GRWD1: variants seen among roughly 807,000 people sequenced by gnomAD.
GRWD1 encodes the protein glutamate rich WD repeat containing 1.
GRWD1 carries 29 observed loss-of-function variants against 45.3 expected under a neutral mutation model. The observed-to-expected ratio is 0.64, with a 90% CI of 0.48 to 0.87. The LOEUF is 0.87. Ranked by LOEUF, GRWD1 falls within the 40% of genes least tolerant of loss-of-function variation. The pLI is 0.00. For synonymous variants in GRWD1, 262 were observed against 257.6 expected (o/e 1.02, Z -0.16); for missense variants, 592 against 618.8 (o/e 0.96, Z 0.46).
At chr19:48,448,484 G>A (rs1418304580) in intron 3 of GRWD1, among the ~76,000 whole-genome samples, 2 of 152,172 alleles carry the variant, frequency 1.3e-5, no homozygotes, top group Non-Finnish European at 2.9e-5. Context: ...GGAAGGGAAC[G>A]AGATGAAACT....
At position 48,452,093 on chromosome 19, in the gene GRWD1, T is replaced by C. The variant is rs1383383596; in HGVS notation, c.1024-615T>C. 5.4e-4 allele frequency among the ~76,000 whole-genome samples: 81 copies of C among 151,074 alleles called. No homozygotes were observed. In the South Asian group the frequency reaches 0.017, roughly 31 times the overall value. On this transcript the variant is annotated intron_variant, in intron 6 of 6. Transcript: ENST00000253237. The surrounding 1 kb of genome is among the most constrained non-coding windows in gnomAD (Gnocchi z 5.1). The stretch of plus-strand genomic sequence containing the variant: ...GAGCCATGCCCTCCTTTTTTTCTTT[T>C]TTTTTTTTTTTTTCTTTTTTTTTGC...
At position 48,450,389 on chromosome 19, in the gene GRWD1, G is replaced by A. The variant is rs752502004; in HGVS notation, c.545G>A (p.Arg182Gln). Residue 182 changes from arginine to glutamine, a missense_variant, in exon 4 of 7, where the codon CGG becomes CAG. Physicochemically the swap from Arg to Gln is conservative, Grantham distance 43. Transcript: ENST00000253237. The surrounding 1 kb of genome is among the most constrained non-coding windows in gnomAD (Gnocchi z 5.1). ...KGQVEVFALR[R>Q]LLQVVEEPQA... ...CAGGTGGAGGTGTTTGCGCTGCGGCGGCTTCTGCAGGTGGTGGAGGAGCCC... is the reference window on the plus strand; with the variant it reads ...CAGGTGGAGGTGTTTGCGCTGCGGCAGCTTCTGCAGGTGGTGGAGGAGCCC... The A allele has an allele frequency of 1.8e-5, 29 of 1,613,616 alleles. 1 individual carries two copies. In the South Asian group the frequency reaches 2.4e-4, roughly 13 times the overall value.
In GRWD1 at chr19:48,451,143, A is replaced by G. The variant is rs554415680; in HGVS notation, c.935A>G (p.Asn312Ser). The G allele has an allele frequency of 1.9e-5, 31 of 1,614,048 alleles. No individual in the cohort carries two copies. Among genetic ancestry groups the G allele is most frequent in the Admixed American group, 3.3e-5 (2 of 60,020 alleles). Residue 312 changes from asparagine (N) to serine (S), a missense_variant, in exon 6 of 7, where the codon AAT becomes AGT. By Grantham distance (46) the Asn-to-Ser change is conservative (BLOSUM62 1). Coordinates refer to ENST00000253237, the MANE Select transcript of GRWD1 (RefSeq NM_031485.4). ...TTATAHDGDV[N>S]VISWSRREPF... ...GCCACCGCCCATGATGGGGACGTCA[A>G]TGTCATCAGCTGGAGCCGCCGGGAG...
chr19:48,456,473 T>A lies in GRWD1; in HGVS notation c.*3448T>A, dbSNP rs1321352677. On this transcript the variant is annotated 3_prime_UTR_variant, in exon 7 of 7. Transcript: ENST00000253237. ...TCACCTCAGCCTTGCCTCTGTCAAG[T>A]GGGCCTAATGAACCCTCGCGAATGG... 6.6e-6 allele frequency: 1 copy of A among 152,250 alleles called. No homozygotes were observed. Among genetic ancestry groups the A allele is most frequent in the Admixed American group, 6.5e-5 (1 of 15,284 alleles). 9.4% of individuals were successfully genotyped at this position (152,250 alleles called of 1,614,324 possible). A position where few individuals can be genotyped will look rare whatever the true frequency, so the allele number is the denominator to read the frequency against.
intron 6 of GRWD1, 97 bp downstream of exon 6, chr19:48,451,328 C>G (rs1261717784): frequency 9.1e-7 from 1 of 1,104,006 alleles, no homozygotes; most frequent in African/African-American, 1.6e-5. Context: ...TTTTACACAA[C>G]CAGAGCTGGA....
Position 48,453,046 on chromosome 19 carries a change from C to G in GRWD1, c.*21C>G. ...TCTGAGGCGTCCCACTGGCTCTGAT[C>G]TTGCTTCCTGCTTGGAAACTGAAGT... On this transcript the variant is annotated 3_prime_UTR_variant, in exon 7 of 7. Transcript: ENST00000253237. 1 of 1,548,266 alleles carries G rather than the reference C, an allele frequency of 6.5e-7. No homozygotes were observed. The highest frequency in any genetic ancestry group is 1.2e-5 in the South Asian group (1 of 83,530).
At position 48,446,042 on chromosome 19, in the gene GRWD1, A is replaced by ACCGGGGAACCCATGGAAGCCGAGT. The variant is rs1971396113; in HGVS notation, c.42_65dup (p.Glu15_Gly22dup). 2 of 1,596,776 alleles carry ACCGGGGAACCCATGGAAGCCGAGT rather than the reference A, an allele frequency of 1.3e-6. No homozygotes were observed. The highest frequency in any genetic ancestry group is 4.1e-4 in the Middle Eastern group (2 of 4,918). On this transcript the variant is annotated inframe_insertion, in exon 1 of 7. Transcript: ENST00000253237. The stretch of plus-strand genomic sequence containing the variant: ...CAAGGGTCGGCGGCGCACGTGTGAA[A>ACCGGGGAACCCATGGAAGCCGAGT]CCGGGGAACCCATGGAAGCCGAGTC...
rs981965431 is a variant in GRWD1 at position 48,453,574 on chromosome 19, G to A, written c.*549G>A. 1.3e-5 allele frequency: 2 copies of A among 152,640 alleles called. No individual in the cohort carries two copies. Among genetic ancestry groups the A allele is most frequent in the African/African-American group, 2.4e-5 (1 of 41,434 alleles). The allele number at this position is 152,640 out of a possible 1,614,324, so 9.5% of individuals were successfully genotyped here. A position where few individuals can be genotyped will look rare whatever the true frequency, so the allele number is the denominator to read the frequency against. The stretch of plus-strand genomic sequence containing the variant: ...GCTGGTCTCAAATTCTTGATCTCAA[G>A]TGATCTGTCCGCCCCGGCCTCCCAG... On this transcript the variant is annotated 3_prime_UTR_variant, in exon 7 of 7. Transcript: ENST00000253237.
chr19:48,446,127 T>C lies in GRWD1; in HGVS notation c.122T>C (p.Leu41Pro). Reference protein sequence around the residue: ...QVYLPGRGPPLREGEELVMDE... With the variant: ...QVYLPGRGPPPREGEELVMDE... ...TACCTGCCCGGCCGGGGGCCGCCGC[T>C]ACGCGAAGGGGAGGAGCTGGTCATG... is the stretch of plus-strand genomic sequence containing the variant. Residue 41 changes from leucine (L) to proline (P), a missense_variant, in exon 1 of 7, where the codon CTA becomes CCA. Transcript: ENST00000253237. The C allele has an allele frequency of 6.2e-7, 1 of 1,606,892 alleles. No homozygotes were observed.
intron 3 of GRWD1, 128 bp downstream of exon 3, chr19:48,446,971 CTG>C: frequency 1.2e-6 from 1 of 866,106 alleles, no homozygotes; most frequent in Non-Finnish European, 1.7e-6. Flanking sequence ...TAGTCTCGCT[CTG>C]TCACCCAGGC....
chr19:48,447,719 A>T (rs974452253), intron 3 of GRWD1, among the ~76,000 whole-genome samples: 1 of 152,176 alleles, frequency 6.6e-6, no homozygotes, highest in Non-Finnish European at 1.5e-5. Context: ...ACATAGTTTT[A>T]TACAATTTAG....
intron 3 of GRWD1, among the ~76,000 whole-genome samples, chr19:48,447,312 T>C (rs1180792431): frequency 6.6e-6 from 1 of 151,994 alleles, no homozygotes; most frequent in Admixed American, 6.6e-5. Flanking sequence ...AATGGCATGA[T>C]CTCAGCTCAC....
chr19:48,450,165 C>CA lies in GRWD1; in HGVS notation c.469-147dup, dbSNP rs2147484563. The CA allele has an allele frequency of 1.5e-6, 1 of 649,228 alleles. No individual in the cohort carries two copies. Among genetic ancestry groups the CA allele is most frequent in the Non-Finnish European group, 2.7e-6 (1 of 369,094 alleles). 40.2% of individuals were successfully genotyped at this position (649,228 alleles called of 1,614,324 possible). A position where few individuals can be genotyped will look rare whatever the true frequency, so the allele number is the denominator to read the frequency against. On this transcript the variant is annotated intron_variant, in intron 3 of 6. Coordinates refer to ENST00000253237, the MANE Select transcript of GRWD1 (RefSeq NM_031485.4). This position sits in a 1 kb window ranked among gnomAD's most constrained non-coding sequence, Gnocchi z 5.1. ...TTTGCAGGTTGTGATTTTCTTCCCA[C>CA]AGAGGTTTCAAGGAGCTGTAGTCCC...
At chr19:48,451,699 T>C (rs944031238) in intron 6 of GRWD1, among the ~76,000 whole-genome samples, 1 of 152,142 alleles carries the variant, frequency 6.6e-6, no homozygotes, top group Non-Finnish European at 1.5e-5. Flanking sequence ...GGAGGGTCCC[T>C]GTGCAGGAGA....
At position 48,452,741 on chromosome 19, in the gene GRWD1, G is replaced by A. The variant is rs144509270; in HGVS notation, c.1057G>A (p.Val353Met). Residue 353 changes from valine to methionine, a missense_variant, in exon 7 of 7, where the codon GTG becomes ATG. By Grantham distance (21) the Val-to-Met change is conservative. Transcript: ENST00000253237. This position sits in a 1 kb window ranked among gnomAD's most constrained non-coding sequence, Gnocchi z 5.1. ...GSPVATFKQH[V>M]APVTSVEWHP... ...CCCAGTGGCCACCTTCAAGCAGCAC[G>A]TGGCCCCCGTGACCTCCGTCGAGTG... 1,248 of 1,591,400 alleles carry A rather than the reference G, an allele frequency of 7.8e-4. 13 individuals carry two copies. The African/African-American group carries it at 0.015, about 19-fold the overall frequency.
Position 48,453,019 on chromosome 19 carries a change from C to G in GRWD1, c.1335C>G (p.Ser445Arg). The G allele has an allele frequency of 1.3e-6, 2 of 1,576,982 alleles. No individual in the cohort carries two copies. The highest frequency in any genetic ancestry group is 2.3e-5 in the South Asian group (2 of 88,210). Residue 445 changes from serine (S) to arginine (R), a missense_variant, in exon 7 of 7, where the codon AGC (serine) becomes AGG (arginine). Transcript: ENST00000253237. ...GCTTCACCATCTTCCGCACCATCAG[C>G]GTCTGAGGCGTCCCACTGGCTCTGA... is the stretch of plus-strand genomic sequence containing the variant. ...LSGFTIFRTI[S>R]V
chr19:48,447,610 C>T (rs545539316), intron 3 of GRWD1, among the ~76,000 whole-genome samples: 2 of 152,028 alleles, frequency 1.3e-5, no homozygotes, highest in South Asian at 2.1e-4. Flanking sequence ...CTCCTGACCT[C>T]GAGTGATTGA....
chr19:48,446,289 G>A (rs1402163872), intron 1 of GRWD1, 96 bp from the exon 2 acceptor site: 1 of 1,560,242 alleles, frequency 6.4e-7, no homozygotes, highest in Non-Finnish European at 8.8e-7. Flanking sequence ...TCTAAGAGAA[G>A]TGATTTCATA....
Position 48,452,911 on chromosome 19 carries a change from C to T in GRWD1, c.1227C>T (p.Phe409=), listed in dbSNP as rs1002184073. The stretch of plus-strand genomic sequence containing the variant: ...CCGACCTCCCGCAGCAGCTGCTGTT[C>T]GTGCACCAGGGCGAGACCGAGCTGA... ...GLADLPQQLL[F]VHQGETELKE... The change falls in exon 7 of 7, where the codon TTC becomes TTT. Residue 409 remains phenylalanine (F), a synonymous_variant. Coordinates refer to ENST00000253237, the MANE Select transcript of GRWD1 (RefSeq NM_031485.4). The surrounding 1 kb of genome is among the most constrained non-coding windows in gnomAD (Gnocchi z 5.1). The T allele has an allele frequency of 6.8e-6, 11 of 1,611,988 alleles. No homozygotes were observed. Among genetic ancestry groups the T allele is most frequent in the African/African-American group, 4.0e-5 (3 of 74,940 alleles).
Sources: gnomAD v4.1 joint callset for allele counts (sites outside exome capture counted in the v4.1 genomes callset) on GRCh38, gnomAD v4.1.1 for gene constraint, Gnocchi (gnomAD v3.1) non-coding constraint, MANE v1.5 for transcripts, NCBI Gene and HGNC (gene_info 2026-07-23, HGNC 2026-07-21) for gene names.